GARIN3: variants seen among roughly 807,000 people sequenced by gnomAD.
GARIN3 encodes Golgi-associated RAB2 interactor protein 3.
the GARIN3 span, chr5:157,163,356 A>G: frequency 6.2e-7 from 1 of 1,614,088 alleles, no homozygotes; most frequent in Non-Finnish European, 8.5e-7. Flanking sequence ...CTGGGCCTGC[A>G]GATTTGGTTG....
At chr5:157,161,855 A>C in the GARIN3 span, 6 of 152,770 alleles carry the variant, frequency 3.9e-5, no homozygotes, top group East Asian at 1.2e-3. Flanking sequence ...CTATGTTCCA[A>C]TAAAACTTTA....
the GARIN3 span, chr5:157,162,474 C>T: frequency 1.2e-6 from 2 of 1,613,992 alleles, no homozygotes; most frequent in South Asian, 2.2e-5. Context: ...CAAAGACGAT[C>T]ATCTCCGTCT....
the GARIN3 span, chr5:157,163,382 C>T: frequency 1.5e-5 from 24 of 1,614,142 alleles, no homozygotes; most frequent in Admixed American, 2.7e-4. Flanking sequence ...ATGCTCATAG[C>T]ACCTGTTGCA....
At chr5:157,165,961 C>A in the GARIN3 span, 1 of 1,614,162 alleles carries the variant, frequency 6.2e-7, no homozygotes, top group Non-Finnish European at 8.5e-7. Context: ...CCCACTGTCA[C>A]CATTCGGACA....
chr5:157,162,486 C>A, the GARIN3 span: 1 of 1,614,140 alleles, frequency 6.2e-7, no homozygotes, highest in Non-Finnish European at 8.5e-7. Context: ...TCTCCGTCTT[C>A]TCGGATGTCA....
chr5:157,165,386 C>T, the GARIN3 span, among the ~76,000 whole-genome samples: 1 of 152,086 alleles, frequency 6.6e-6, no homozygotes, highest in Non-Finnish European at 1.5e-5. Context: ...ACACACAAGC[C>T]CTCCCACCTC....
At chr5:157,164,447 C>T in the GARIN3 span, among the ~76,000 whole-genome samples, 2 of 152,152 alleles carry the variant, frequency 1.3e-5, no homozygotes, top group East Asian at 1.9e-4. Flanking sequence ...CCACCGCACC[C>T]GGCCTAAGCC....
At chr5:157,165,662 T>C in the GARIN3 span, 8 of 1,614,134 alleles carry the variant, frequency 5.0e-6, no homozygotes, top group Non-Finnish European at 6.8e-6. Flanking sequence ...AGACAAGTTT[T>C]TCCCAATAGC....
At chr5:157,162,877 T>C in the GARIN3 span, 3 of 1,614,094 alleles carry the variant, frequency 1.9e-6, no homozygotes, top group African/African-American at 2.7e-5. Context: ...GGAAGACGCT[T>C]TCTGATTCTT....
the GARIN3 span, chr5:157,163,169 G>A: frequency 6.2e-7 from 1 of 1,614,170 alleles, no homozygotes; most frequent in Non-Finnish European, 8.5e-7. Context: ...TCTTGGGAGA[G>A]ACTGGCGGCC....
chr5:157,164,101 AAGG>A, the GARIN3 span, among the ~76,000 whole-genome samples: 1 of 150,594 alleles, frequency 6.6e-6, no homozygotes, highest in African/African-American at 2.4e-5. Context: ...AGAAAAAAGG[AAGG>A]AGAAGGAGAA....
chr5:157,162,776 G>A, the GARIN3 span: 61 of 1,614,180 alleles, frequency 3.8e-5, no homozygotes, highest in East Asian at 1.2e-3. Context: ...GAGCTCTTGC[G>A]AGAGGAGCCA....
the GARIN3 span, among the ~76,000 whole-genome samples, chr5:157,163,961 G>A: frequency 2.0e-5 from 3 of 152,040 alleles, no homozygotes; most frequent in Non-Finnish European, 4.4e-5. Context: ...GTAGGCTGAG[G>A]TAGGAGTATC....
At chr5:157,163,140 C>A in the GARIN3 span, 1 of 1,614,166 alleles carries the variant, frequency 6.2e-7, no homozygotes, top group Non-Finnish European at 8.5e-7. Context: ...TGCCTGCAAA[C>A]GCCGCACTCA....
the GARIN3 span, chr5:157,166,127 G>T: frequency 6.8e-6 from 11 of 1,614,058 alleles, no homozygotes; most frequent in South Asian, 1.1e-4. Context: ...TTGAAGAGTA[G>T]CTGTGGGCTG....
chr5:157,163,883 C>T, the GARIN3 span, among the ~76,000 whole-genome samples: 58 of 152,196 alleles, frequency 3.8e-4, no homozygotes, highest in Non-Finnish European at 5.9e-5. Flanking sequence ...TAGCAAAACC[C>T]CGACTCTACT....
the GARIN3 span, chr5:157,162,668 T>G: frequency 2.5e-6 from 4 of 1,614,250 alleles, no homozygotes; most frequent in South Asian, 4.4e-5. Flanking sequence ...GAGCTGATCT[T>G]ACTGGCTTTC....
chr5:157,165,651 T>C, the GARIN3 span: 6 of 1,613,936 alleles, frequency 3.7e-6, no homozygotes, highest in Non-Finnish European at 4.2e-6. Context: ...CCTCAGGAGA[T>C]AGACAAGTTT....
the GARIN3 span, chr5:157,162,945 A>G: frequency 1.9e-6 from 3 of 1,613,948 alleles, no homozygotes; most frequent in Non-Finnish European, 1.7e-6. Context: ...AACTTTTCCT[A>G]CTGGGATGTC....
Sources: gnomAD v4.1 joint callset for allele counts (sites outside exome capture counted in the v4.1 genomes callset) on GRCh38, gnomAD v4.1.1 for gene constraint, MANE v1.5 for transcripts, NCBI Gene and HGNC (gene_info 2026-07-23, HGNC 2026-07-21) for gene names.